The following GSK3A variants were observed in gnomAD, a reference collection of about 807,000 sequenced individuals.
GSK3A encodes glycogen synthase kinase-3 alpha.
Under a neutral mutation model 56.6 loss-of-function variants are expected in GSK3A, and 14 were observed. The observed-to-expected ratio is 0.25, with a 90% CI of 0.16 to 0.39. The LOEUF is 0.39. GSK3A is among the 10% of genes least tolerant of loss of function. GSK3A has a pLI of 1.00. For missense variants in GSK3A, 450 were observed against 656.0 expected, an observed-to-expected ratio of 0.69 and a Z score of 3.43; for synonymous variants, 301 against 285.0, an observed-to-expected ratio of 1.06 and a Z score of -0.56.
At chr19:42,240,196 C>A (rs1252731190) in intron 1 of GSK3A, 54 bp from the exon 2 acceptor site, 1 of 1,507,992 alleles carries the variant, frequency 6.6e-7, no homozygotes, top group African/African-American at 1.4e-5. Context: ...TGCGCATCAC[C>A]CTATCCTGGG....
Position 42,232,039 on chromosome 19 carries a change from C to A in GSK3A, c.1378+18G>T, listed in dbSNP as rs1023213483. The A allele has an allele frequency of 1.2e-5, 17 of 1,471,382 alleles. No homozygotes were observed. In the East Asian group the frequency reaches 3.9e-4, roughly 33 times the overall value. The allele number at this position is 1,471,382 out of a possible 1,614,324, so 91.1% of individuals were successfully genotyped here. On this transcript the variant is annotated intron_variant, in intron 10 of 10. Transcript: ENST00000222330. ...GGCTGAGAGATACTTTAACCCCCAG[C>A]AGATGGTCCCCACTTACCTTGTGAG...
intron 4 of GSK3A, among the ~76,000 whole-genome samples, chr19:42,236,024 G>C (rs1417667462): frequency 6.6e-6 from 1 of 152,182 alleles, no homozygotes. Context: ...CAATGCAGTA[G>C]GCTGCTCCAG....
intron 4 of GSK3A, among the ~76,000 whole-genome samples, chr19:42,235,114 C>A: frequency 6.6e-6 from 1 of 151,968 alleles, no homozygotes; most frequent in African/African-American, 2.4e-5. Context: ...GTGACAGAGA[C>A]CCTGTCTCAA....
intron 4 of GSK3A, among the ~76,000 whole-genome samples, chr19:42,235,544 G>A (rs2036251974): frequency 6.6e-6 from 1 of 152,108 alleles, no homozygotes; most frequent in African/African-American, 2.4e-5. Context: ...CTGCTTCCTA[G>A]GCCCCCTTCC....
intron 3 of GSK3A, 21 bp downstream of exon 3, chr19:42,236,837 A>G (rs2036260475): frequency 1.9e-6 from 3 of 1,585,664 alleles, no homozygotes; most frequent in Non-Finnish European, 2.6e-6. Context: ...GCAACCCACC[A>G]CCACCACCTC....
rs2036235440 is a variant in GSK3A, at chr19:42,233,182, T to C, written c.1026A>G (p.Glu342=). 1.2e-6 allele frequency: 2 copies of C among 1,609,372 alleles called. No homozygotes were observed. The highest frequency in any genetic ancestry group is 2.7e-5 in the African/African-American group (2 of 74,828). ...AGTTGGGGTTCATCTCTCGGATTTG[T>C]TCCCGGGTTGGTGTTCCCAGCACCT... ...IIKVLGTPTR[E]QIREMNPNYT... Residue 342 remains glutamate (E), a synonymous_variant, in exon 8 of 11, where the codon GAA becomes GAG. Coordinates refer to ENST00000222330, the MANE Select transcript of GSK3A (RefSeq NM_019884.3).
At chr19:42,231,785 A>C (rs1236238316) in intron 10 of GSK3A, among the ~76,000 whole-genome samples, 1 of 152,112 alleles carries the variant, frequency 6.6e-6, no homozygotes, top group East Asian at 1.9e-4. Context: ...AAAAAAAAAA[A>C]AACAAACTTG....
chr19:42,231,078 T>A (rs2036220879), intron 10 of GSK3A, among the ~76,000 whole-genome samples: 1 of 152,196 alleles, frequency 6.6e-6, no homozygotes, highest in African/African-American at 2.4e-5. Context: ...AGGCGGTGGC[T>A]GGGCTGGGCA....
rs1002597392 is a variant in GSK3A, at chr19:42,234,999, C to T, written c.667-321G>A. 1.3e-5 allele frequency among the ~76,000 whole-genome samples: 2 copies of T among 152,130 alleles called. No homozygotes were observed. Among genetic ancestry groups the T allele is most frequent in the African/African-American group, 2.4e-5 (1 of 41,406 alleles). ...AAAATTAGCCGGGCGTGGTGGTGCA[C>T]ACCTGTAATCCCAGCTACTCGGGAG... On this transcript the variant is annotated intron_variant, in intron 4 of 10. Coordinates refer to ENST00000222330, the MANE Select transcript of GSK3A (RefSeq NM_019884.3). The surrounding 1 kb of genome is among the most constrained non-coding windows in gnomAD (Gnocchi z 5.7).
chr19:42,230,569 C>A lies in GSK3A; in HGVS notation c.*225G>T. The A allele has an allele frequency of 1.7e-6, 1 of 579,702 alleles. No homozygotes were observed. Among genetic ancestry groups the A allele is most frequent in the South Asian group, 2.0e-5 (1 of 48,872 alleles). 35.9% of individuals were successfully genotyped at this position (579,702 alleles called of 1,614,324 possible). On this transcript the variant is annotated 3_prime_UTR_variant, in exon 11 of 11. Coordinates refer to ENST00000222330, the MANE Select transcript of GSK3A (RefSeq NM_019884.3). ...TAGGAGGTCCTCATCCCCCCAACAC[C>A]CTGTCCTTCTCTTCCCTCCCCACAA...
intron 8 of GSK3A, 200 bp from the exon 9 acceptor site, chr19:42,232,882 T>G: frequency 1.7e-6 from 1 of 580,666 alleles, no homozygotes; most frequent in South Asian, 2.4e-5. Flanking sequence ...GGTCTGGGAC[T>G]ATATGAGCCC....
rs1337074844 is a variant in GSK3A, at chr19:42,233,186, C to T, written c.1022G>A (p.Arg341Gln). The change falls in exon 8 of 11, where the codon CGG becomes CAG. Residue 341 changes from arginine to glutamine, a missense_variant. Physicochemically the swap from Arg to Gln is conservative, Grantham distance 43. Transcript: ENST00000222330. ...GGGGTTCATCTCTCGGATTTGTTCC[C>T]GGGTTGGTGTTCCCAGCACCTGTAA... ...EIIKVLGTPT[R>Q]EQIREMNPNY... The T allele has an allele frequency of 1.2e-6, 2 of 1,608,814 alleles. No homozygotes were observed. Among genetic ancestry groups the T allele is most frequent in the African/African-American group, 1.3e-5 (1 of 74,908 alleles).
At position 42,234,592 on chromosome 19, in the gene GSK3A, C is replaced by T. The variant is rs1253568325; in HGVS notation, c.753G>A (p.Leu251=). ...CHRDIKPQNL[L]VDPDTAVLKL... is the part of the protein sequence containing the mutation. ...TGAGGACAGCAGTGTCAGGGTCCAC[C>T]AGCAGGTTCTGGGGCTTGATGTCGC... The change falls in exon 5 of 11, where the codon CTG becomes CTA. Residue 251 remains leucine, a synonymous_variant. Transcript: ENST00000222330. The surrounding 1 kb of genome is among the most constrained non-coding windows in gnomAD (Gnocchi z 5.7). 1 of 1,613,976 alleles carries T rather than the reference C, an allele frequency of 6.2e-7. No individual in the cohort carries two copies. The highest frequency in any genetic ancestry group is 1.3e-5 in the African/African-American group (1 of 74,940).
Position 42,234,278 on chromosome 19 carries a change from T to C in GSK3A, c.904+75A>G. On this transcript the variant is annotated intron_variant, in intron 6 of 10. Transcript: ENST00000222330. This position sits in a 1 kb window ranked among gnomAD's most constrained non-coding sequence, Gnocchi z 5.7. ...AGAAGTTAAGCTTTCATCACCAAGCTTGGCATACAGCACACAGAAAACTCC... is the reference window on the plus strand; with the variant it reads ...AGAAGTTAAGCTTTCATCACCAAGCCTGGCATACAGCACACAGAAAACTCC... The C allele has an allele frequency of 3.0e-6, 3 of 1,008,918 alleles. No individual in the cohort carries two copies. The highest frequency in any genetic ancestry group is 4.8e-6 in the Non-Finnish European group (3 of 629,608). The allele number at this position is 1,008,918 out of a possible 1,614,324, so 62.5% of individuals were successfully genotyped here.
Position 42,230,714 on chromosome 19 carries a change from G to C in GSK3A, c.*80C>G, listed in dbSNP as rs1308310477. Reference sequence around the variant, plus strand: ...TAGTCTAGGGGCCCAGCCAGGGCAGGAGCTTGATGGGCTATGGCCCCCCTT... The same window carrying C: ...TAGTCTAGGGGCCCAGCCAGGGCAGCAGCTTGATGGGCTATGGCCCCCCTT... On this transcript the variant is annotated 3_prime_UTR_variant, in exon 11 of 11. Coordinates refer to ENST00000222330, the MANE Select transcript of GSK3A (RefSeq NM_019884.3). 2 of 1,072,738 alleles carry C rather than the reference G, an allele frequency of 1.9e-6. No individual in the cohort carries two copies. Among genetic ancestry groups the C allele is most frequent in the Non-Finnish European group, 2.8e-6 (2 of 710,396 alleles). The allele number at this position is 1,072,738 out of a possible 1,614,324, so 66.5% of individuals were successfully genotyped here.
At chr19:42,235,849 A>G (rs1378516469) in intron 4 of GSK3A, among the ~76,000 whole-genome samples, 1 of 152,168 alleles carries the variant, frequency 6.6e-6, no homozygotes, top group African/African-American at 2.4e-5. Flanking sequence ...CAGCCACAGG[A>G]CAGATTCGCC....
Position 42,233,121 on chromosome 19 carries a change from G to C in GSK3A, c.1087C>G (p.Pro363Ala), listed in dbSNP as rs2036235038. Reference sequence around the variant, plus strand: ...TAGCCCTGCCCCACCTTTGTCCAGGGGTGAGCTTTAATCTGAGGGAACTTG... The same window carrying C: ...TAGCCCTGCCCCACCTTTGTCCAGGCGTGAGCTTTAATCTGAGGGAACTTG... ...EFKFPQIKAH[P>A]WTKVFKSRTP... The change falls in exon 8 of 11, where the codon CCC becomes GCC. Residue 363 changes from proline to alanine, a missense_variant. By Grantham distance (27) the Pro-to-Ala change is conservative. Transcript: ENST00000222330. 6.3e-7 allele frequency: 1 copy of C among 1,595,618 alleles called. No homozygotes were observed. The highest frequency in any genetic ancestry group is 2.2e-5 in the East Asian group (1 of 44,762).
At position 42,242,460 on chromosome 19, in the gene GSK3A, G is replaced by A; in HGVS notation, c.6C>T (p.Ser2=). M[S]GGGPSGGGPG... ...GGCCGCCTCCCGAAGGCCCGCCGCCGCTCATGGCGCCGAGCACAGGCCCAG... is the reference window on the plus strand; with the variant it reads ...GGCCGCCTCCCGAAGGCCCGCCGCCACTCATGGCGCCGAGCACAGGCCCAG... The change falls in exon 1 of 11, where the codon AGC becomes AGT. Residue 2 remains serine (S), a synonymous_variant. Coordinates refer to ENST00000222330, the MANE Select transcript of GSK3A (RefSeq NM_019884.3). 8.1e-7 allele frequency: 1 copy of A among 1,232,442 alleles called. No individual in the cohort carries two copies. Among genetic ancestry groups the A allele is most frequent in the Non-Finnish European group, 1.0e-6 (1 of 986,998 alleles). 76.3% of individuals were successfully genotyped at this position (1,232,442 alleles called of 1,614,324 possible).
chr19:42,231,374 C>T (rs758694640), intron 10 of GSK3A, among the ~76,000 whole-genome samples: 11 of 151,624 alleles, frequency 7.3e-5, no homozygotes, highest in Non-Finnish European at 1.5e-4. Context: ...ATATAAAGGG[C>T]GCCCACTGTC....
Sources: allele counts gnomAD v4.1 joint callset (sites outside exome capture counted in the v4.1 genomes callset), GRCh38; gene constraint gnomAD v4.1.1; non-coding constraint Gnocchi (gnomAD v3.1); transcripts MANE v1.5; gene names NCBI Gene and HGNC (gene_info 2026-07-23, HGNC 2026-07-21).